The following UBE4B variants were observed in gnomAD, a reference collection of about 807,000 sequenced individuals.
UBE4B encodes the protein ubiquitination factor E4B.
In UBE4B, 27 loss-of-function variants were observed where a neutral mutation model predicts 148.1. That is an observed-to-expected ratio of 0.18 (90% CI 0.13 to 0.25). The LOEUF is 0.25. Ranked by LOEUF, UBE4B falls within the 10% of genes least tolerant of loss-of-function variation. UBE4B has a pLI of 1.00. For missense variants in UBE4B, 1,170 were observed against 1,662.4 expected (o/e 0.70, Z 5.15); for synonymous variants, 596 against 619.3 (o/e 0.96, Z 0.56).
At chr1:10,081,773 G>T (rs1188549653) in intron 2 of UBE4B, among the ~76,000 whole-genome samples, 1 of 152,096 alleles carries the variant, frequency 6.6e-6, no homozygotes, top group Non-Finnish European at 1.5e-5. Context: ...ATTTTTAGTA[G>T]AGACGAGGTT....
chr1:10,168,903 AAAAAG>A lies in UBE4B; in HGVS notation c.3333+636_3333+640del, dbSNP rs1010721193. 5.9e-5 allele frequency among the ~76,000 whole-genome samples: 9 copies of A among 152,016 alleles called. No individual in the cohort carries two copies. Among genetic ancestry groups the A allele is most frequent in the African/African-American group, 2.2e-4 (9 of 41,402 alleles). ...TGAGACTCCATCTCAAAAAAAAAAA[AAAAAG>A]AAGAAGAAAAAGCATAAGGTAACAG... On this transcript the variant is annotated intron_variant, in intron 24 of 27. Transcript: ENST00000343090. The surrounding 1 kb of genome is among the most constrained non-coding windows in gnomAD (Gnocchi z 4.9).
At chr1:10,116,706 A>G (rs1165991747) in intron 7 of UBE4B, among the ~76,000 whole-genome samples, 1 of 152,324 alleles carries the variant, frequency 6.6e-6, no homozygotes, top group African/African-American at 2.4e-5. Flanking sequence ...TACTACTAAC[A>G]TAACAGTGCT....
chr1:10,130,992 C>G (rs1645583805), intron 14 of UBE4B, among the ~76,000 whole-genome samples, 179 bp downstream of exon 14: 1 of 152,196 alleles, frequency 6.6e-6, no homozygotes, highest in Non-Finnish European at 1.5e-5. Context: ...CAGGTTGTAA[C>G]AACAGCAGTA....
At chr1:10,175,124 G>A (rs985678780) in intron 25 of UBE4B, among the ~76,000 whole-genome samples, 1 of 152,160 alleles carries the variant, frequency 6.6e-6, no homozygotes, top group Non-Finnish European at 1.5e-5. Context: ...AAGAGCCACT[G>A]AGCTTGATGC....
At chr1:10,116,169 G>A (rs968035193) in intron 7 of UBE4B, among the ~76,000 whole-genome samples, 2 of 151,960 alleles carry the variant, frequency 1.3e-5, no homozygotes, top group Admixed American at 6.6e-5. Flanking sequence ...TTAGGACAGC[G>A]TCTCTCTTTG....
At chr1:10,098,802 C>T (rs536429180) in intron 3 of UBE4B, among the ~76,000 whole-genome samples, 1 of 152,174 alleles carries the variant, frequency 6.6e-6, no homozygotes, top group Non-Finnish European at 1.5e-5. Context: ...CTCTCCTATT[C>T]AGTGGTGAGA....
intron 3 of UBE4B, 72 bp from the exon 4 acceptor site, chr1:10,101,036 C>A: frequency 7.6e-7 from 1 of 1,319,614 alleles, no homozygotes; most frequent in Non-Finnish European, 1.1e-6. Flanking sequence ...AACATTTTCT[C>A]ACCCAGCAGC....
intron 1 of UBE4B, among the ~76,000 whole-genome samples, chr1:10,047,111 G>A (rs1643928408): frequency 1.3e-5 from 2 of 152,148 alleles, no homozygotes; most frequent in Non-Finnish European, 2.9e-5. Flanking sequence ...TGCCCATGCT[G>A]ACCCCTAAGC....
At chr1:10,064,062 T>G (rs1370285964) in intron 1 of UBE4B, among the ~76,000 whole-genome samples, 2 of 152,220 alleles carry the variant, frequency 1.3e-5, no homozygotes, top group Non-Finnish European at 2.9e-5. Context: ...CTTTCTTGTC[T>G]GTGCCTCACC....
chr1:10,108,446 A>C (rs1482124676), intron 7 of UBE4B, among the ~76,000 whole-genome samples: 2 of 152,176 alleles, frequency 1.3e-5, no homozygotes, highest in African/African-American at 4.8e-5. Flanking sequence ...AGTGAAAAGC[A>C]CTACTTGGGT....
intron 2 of UBE4B, among the ~76,000 whole-genome samples, chr1:10,094,564 G>C (rs542334822): frequency 2.6e-5 from 4 of 151,750 alleles, no homozygotes; most frequent in African/African-American, 9.7e-5. Context: ...CTCCTGAGTA[G>C]CTGGGACTAC....
intron 25 of UBE4B, among the ~76,000 whole-genome samples, chr1:10,176,361 G>A (rs559290492): frequency 1.4e-4 from 22 of 152,284 alleles, no homozygotes; most frequent in African/African-American, 4.6e-4. Flanking sequence ...TCTACACTTG[G>A]GAGTGGGATT....
intron 23 of UBE4B, chr1:10,166,390 A>G (rs1267166769): frequency 2.0e-5 from 3 of 152,174 alleles, no homozygotes; most frequent in Non-Finnish European, 2.9e-5. Flanking sequence ...CAGTTTGGAA[A>G]GACAAAATTT....
intron 7 of UBE4B, among the ~76,000 whole-genome samples, chr1:10,115,777 A>G (rs190796124): frequency 3.9e-5 from 6 of 152,324 alleles, no homozygotes; most frequent in Non-Finnish European, 5.9e-5. Flanking sequence ...GCTATGTGAT[A>G]TATAGCCTGT....
intron 9 of UBE4B, among the ~76,000 whole-genome samples, chr1:10,121,547 T>A (rs1349363735): frequency 6.6e-6 from 1 of 152,010 alleles, no homozygotes; most frequent in Non-Finnish European, 1.5e-5. Flanking sequence ...GCACACACCA[T>A]CTTGCCCAGT....
At chr1:10,069,165 G>A (rs1246956728) in intron 1 of UBE4B, among the ~76,000 whole-genome samples, 1 of 152,028 alleles carries the variant, frequency 6.6e-6, no homozygotes, top group African/African-American at 2.4e-5. Flanking sequence ...TAACATCTTG[G>A]GCTGAACTTG....
At position 10,070,442 on chromosome 1, in the gene UBE4B, T is replaced by TAA. The variant is rs70998345; in HGVS notation, c.25-1569_25-1568dup. On this transcript the variant is annotated intron_variant, in intron 1 of 27. Coordinates refer to ENST00000343090, the MANE Select transcript of UBE4B (RefSeq NM_001105562.3). The stretch of plus-strand genomic sequence containing the variant: ...TGTGACATTAGTATCCAGTTAAAAT[T>TAA]AAAAAAAAAAAAAAAAAACCATTAC... Among the ~76,000 whole-genome samples the TAA allele has an allele frequency of 5.6e-3, 736 of 131,626 alleles. 5 individuals are homozygous for TAA. Among genetic ancestry groups the TAA allele is most frequent in the African/African-American group, 0.019 (670 of 34,644 alleles). 86.4% of individuals were successfully genotyped at this position (131,626 alleles called of 152,430 possible).
chr1:10,142,092 C>G (rs1019016415), intron 17 of UBE4B, among the ~76,000 whole-genome samples: 5 of 151,936 alleles, frequency 3.3e-5, no homozygotes, highest in Non-Finnish European at 2.9e-5. Flanking sequence ...GTAGCCACTC[C>G]ACATCCTCAT....
chr1:10,150,947 G>A (rs559651090), intron 20 of UBE4B, among the ~76,000 whole-genome samples: 1 of 150,372 alleles, frequency 6.7e-6, no homozygotes, highest in South Asian at 2.1e-4. Context: ...GGATCACGAG[G>A]TCAGGAGATC....
Sources: gnomAD v4.1 joint callset for allele counts (sites outside exome capture counted in the v4.1 genomes callset) on GRCh38, gnomAD v4.1.1 for gene constraint, Gnocchi (gnomAD v3.1) non-coding constraint, MANE v1.5 for transcripts, NCBI Gene and HGNC (gene_info 2026-07-23, HGNC 2026-07-21) for gene names.